CEP250: variants seen among roughly 807,000 people sequenced by gnomAD.
CEP250 encodes the protein centrosome-associated protein CEP250.
A neutral mutation model predicts 315.7 loss-of-function variants in CEP250; 242 were observed. The ratio of observed to expected loss-of-function variants is 0.77; its 90% CI spans 0.69 to 0.85. The LOEUF (loss-of-function observed/expected upper bound fraction) is 0.85, where lower values mean the gene tolerates loss of function less well. Ranked by LOEUF, CEP250 falls within the 40% of genes least tolerant of loss-of-function variation. The pLI is 0.00. For missense variants in CEP250, 2,515 were observed against 2,886.4 expected, an observed-to-expected ratio of 0.87 and a Z score of 2.95; for synonymous variants, 1,088 against 1,175.0, an observed-to-expected ratio of 0.93 and a Z score of 1.51.
rs777783728 is a variant in CEP250, at chr20:35,476,556, G to C, written c.1824G>C (p.Leu608Phe). The stretch of plus-strand genomic sequence containing the variant: ...AGCTCAGTGCCTTAAATGAGGCTTT[G>C]GCGTTAGATAAAGTTGGGCTGAACC... ...AVKLSALNEA[L>F]ALDKVGLNQQ... is the part of the protein sequence containing the mutation. The change falls in exon 16 of 35, where the codon TTG (leucine) becomes TTC (phenylalanine). Residue 608 changes from leucine to phenylalanine, a missense_variant. Transcript: ENST00000397527. 2 of 1,613,948 alleles carry C rather than the reference G, an allele frequency of 1.2e-6. No individual in the cohort carries two copies. Among genetic ancestry groups the C allele is most frequent in the Non-Finnish European group, 1.7e-6 (2 of 1,179,808 alleles).
Position 35,504,323 on chromosome 20 carries a change from T to C in CEP250, c.5954T>C (p.Leu1985Pro), listed in dbSNP as rs1479855382. 2 of 1,589,780 alleles carry C rather than the reference T, an allele frequency of 1.3e-6. No homozygotes were observed. The highest frequency in any genetic ancestry group is 4.6e-5 in the East Asian group (2 of 43,418). The change falls in exon 30 of 35, where the codon CTC becomes CCC. Residue 1985 changes from leucine (L) to proline (P), a missense_variant. Coordinates refer to ENST00000397527, the MANE Select transcript of CEP250 (RefSeq NM_007186.6). ...AALQGKEQHL[L>P]EQAELSRSLE... The stretch of plus-strand genomic sequence containing the variant: ...CTGCAGGGGAAAGAGCAGCATCTCC[T>C]CGAGCAGGCAGAATTGAGCCGCAGT...
At chr20:35,481,672 G>C (rs2063347751) in intron 20 of CEP250, among the ~76,000 whole-genome samples, 1 of 146,650 alleles carries the variant, frequency 6.8e-6, no homozygotes, top group South Asian at 2.1e-4. Flanking sequence ...AGGGTCTGTT[G>C]GTAGTTAATT....
rs777568440 is a variant in CEP250, at chr20:35,508,040, A to G, written c.6756A>G (p.Ser2252=). ...TTCACAGGTCTTTCCCACAGGTCTC[A>G]GGAGTGGAGGCTGAGCCTAGTCCTG... is the stretch of plus-strand genomic sequence containing the variant. ...GEQGVQLGEV[S]GVEAEPSPDG... Residue 2252 remains serine, a synonymous_variant, in exon 32 of 35, where the codon TCA becomes TCG. Coordinates refer to ENST00000397527, the MANE Select transcript of CEP250 (RefSeq NM_007186.6). The G allele has an allele frequency of 6.2e-7, 1 of 1,614,054 alleles. No homozygotes were observed. Among genetic ancestry groups the G allele is most frequent in the African/African-American group, 1.3e-5 (1 of 74,932 alleles).
intron 14 of CEP250, among the ~76,000 whole-genome samples, chr20:35,475,076 T>TA (rs763040237): frequency 2.0e-5 from 3 of 152,166 alleles, no homozygotes; most frequent in Non-Finnish European, 4.4e-5. Flanking sequence ...TGGTGGCATG[T>TA]GCCTGTAGCC....
chr20:35,470,627 C>T (rs923248698), intron 10 of CEP250, among the ~76,000 whole-genome samples: 3 of 152,136 alleles, frequency 2.0e-5, no homozygotes, highest in African/African-American at 7.2e-5. Flanking sequence ...GTGGCACATG[C>T]CTATAAACCC....
intron 20 of CEP250, among the ~76,000 whole-genome samples, chr20:35,490,324 T>A (rs1432912111): frequency 1.3e-5 from 2 of 152,108 alleles, no homozygotes; most frequent in Non-Finnish European, 1.5e-5. Context: ...AAAAAAAAAT[T>A]AAAAATAGAA....
intron 30 of CEP250, among the ~76,000 whole-genome samples, chr20:35,506,289 C>G (rs532027866): frequency 1.3e-5 from 2 of 152,152 alleles, no homozygotes; most frequent in Non-Finnish European, 2.9e-5. Context: ...GCCAGAGACA[C>G]TTTGGAGTCA....
Position 35,497,856 on chromosome 20 carries a change from GGC to G in CEP250, c.3445_3446del (p.Ala1149SerfsTer49). ...CCTCCTTGTGGGCCCAGGAAGCCAA[GGC>G]AGCCCAACTACAGCTGCGACTGCGC... ...RASLWAQEAK[A>X]AQLQLRLRST... On this transcript the variant is annotated frameshift_variant, in exon 26 of 35. Transcript: ENST00000397527. LOFTEE classifies it high-confidence loss of function. The G allele has an allele frequency of 6.3e-7, 1 of 1,590,346 alleles. No homozygotes were observed. Among genetic ancestry groups the G allele is most frequent in the Non-Finnish European group, 8.6e-7 (1 of 1,168,448 alleles).
Position 35,514,105 on chromosome 20 carries a change from C to T in CEP250, c.*2479C>T, listed in dbSNP as rs2064406787. 1 of 152,246 alleles carries T rather than the reference C, an allele frequency of 6.6e-6. No individual in the cohort carries two copies. The highest frequency in any genetic ancestry group is 2.4e-5 in the African/African-American group (1 of 41,436). 9.4% of individuals were successfully genotyped at this position (152,246 alleles called of 1,614,324 possible). ...TTCATCAGCTCCAGACCCAAAGAGA[C>T]CTGAAGTGGGGAAGTGTGAAGGAAG... On this transcript the variant is annotated 3_prime_UTR_variant, in exon 35 of 35. Transcript: ENST00000397527.
intron 20 of CEP250, among the ~76,000 whole-genome samples, chr20:35,482,825 G>C (rs1008502212): frequency 6.6e-6 from 1 of 152,110 alleles, no homozygotes; most frequent in African/African-American, 2.4e-5. Context: ...GCCTCCCAAA[G>C]GGCTGGGATT....
chr20:35,466,395 C>T (rs1236348391), intron 7 of CEP250, among the ~76,000 whole-genome samples, 191 bp downstream of exon 7: 3 of 152,236 alleles, frequency 2.0e-5, no homozygotes, highest in African/African-American at 7.2e-5. Context: ...AGACCTGCCA[C>T]TACCCGCCTA....
Position 35,498,575 on chromosome 20 carries a change from G to T in CEP250, c.3656-20G>T. 6.2e-7 allele frequency: 1 copy of T among 1,605,110 alleles called. No homozygotes were observed. The highest frequency in any genetic ancestry group is 1.1e-5 in the South Asian group (1 of 89,480). Reference sequence around the variant, plus strand: ...TTTCATAGTGGCAGCCAGGTAAGGAGGTTTTCCTCATTTTTTCAGACCAGA... The same window carrying T: ...TTTCATAGTGGCAGCCAGGTAAGGATGTTTTCCTCATTTTTTCAGACCAGA... On this transcript the variant is annotated intron_variant, in intron 26 of 34. Coordinates refer to ENST00000397527, the MANE Select transcript of CEP250 (RefSeq NM_007186.6).
At chr20:35,499,853 A>G (rs117511043) in intron 27 of CEP250, among the ~76,000 whole-genome samples, 196 bp from the exon 28 acceptor site, 1,911 of 152,350 alleles carry the variant, frequency 0.013, 27 homozygotes, top group South Asian at 0.098. Context: ...CTCACACTCC[A>G]TCCAAGTGGA....
At chr20:35,505,114 C>G in intron 30 of CEP250, 109 bp downstream of exon 30, 1 of 907,160 alleles carries the variant, frequency 1.1e-6, no homozygotes, top group Non-Finnish European at 1.6e-6. Context: ...TATGAGAAAG[C>G]TGAGATCATG....
chr20:35,462,229 A>G, intron 3 of CEP250, 36 bp from the exon 4 acceptor site: 1 of 634,532 alleles, frequency 1.6e-6, no homozygotes, highest in Non-Finnish European at 2.7e-6. Flanking sequence ...GTAAAAGAAC[A>G]GTCCTTTCCA....
Position 35,496,713 on chromosome 20 carries a change from C to G in CEP250, c.3304C>G (p.Gln1102Glu), listed in dbSNP as rs201228149. The G allele has an allele frequency of 1.2e-6, 2 of 1,612,646 alleles. No individual in the cohort carries two copies. Among genetic ancestry groups the G allele is most frequent in the African/African-American group, 2.7e-5 (2 of 74,922 alleles). ...GGGAGAACAGAAAGAGCTCAGTGCTCAGGTACTTCCCACTCTGGTTATGAG... is the reference window on the plus strand; with the variant it reads ...GGGAGAACAGAAAGAGCTCAGTGCTGAGGTACTTCCCACTCTGGTTATGAG... ...AQGEQKELSA[Q>E]MELLRQEVKE... The change falls in exon 25 of 35, where the codon CAG becomes GAG. Residue 1102 changes from glutamine to glutamate, a missense_variant and splice_region_variant. Physicochemically the swap from Gln to Glu is conservative, Grantham distance 29. Transcript: ENST00000397527.
At position 35,511,365 on chromosome 20, in the gene CEP250, G is replaced by C; in HGVS notation, c.7068G>C (p.Val2356=). 1 of 1,593,270 alleles carries C rather than the reference G, an allele frequency of 6.3e-7. No individual in the cohort carries two copies. The change falls in exon 35 of 35, where the codon GTG becomes GTC. Residue 2356 remains valine (V), a splice_region_variant and synonymous_variant. Coordinates refer to ENST00000397527, the MANE Select transcript of CEP250 (RefSeq NM_007186.6). ...AKCVAELQKE[V]VLLQAQLTLE... ...TTTTTTTTTTTCCTGCCCACCAGGT[G>C]GTCCTGCTGCAAGCTCAGCTGACTT...
chr20:35,515,936 T>G lies in CEP250; in HGVS notation c.*4310T>G, dbSNP rs576005758. 2 of 152,366 alleles carry G rather than the reference T, an allele frequency of 1.3e-5. No homozygotes were observed. The highest frequency in any genetic ancestry group is 4.8e-5 in the African/African-American group (2 of 41,576). 9.4% of individuals were successfully genotyped at this position (152,366 alleles called of 1,614,324 possible). On this transcript the variant is annotated 3_prime_UTR_variant, in exon 35 of 35. Coordinates refer to ENST00000397527, the MANE Select transcript of CEP250 (RefSeq NM_007186.6). ...TGGAGGTGAGGATGAGAGGTGAGACTTCGTTGGACTGTGCTCCTGGCCAGT... is the reference window on the plus strand; with the variant it reads ...TGGAGGTGAGGATGAGAGGTGAGACGTCGTTGGACTGTGCTCCTGGCCAGT...
chr20:35,490,667 C>G lies in CEP250; in HGVS notation c.2617C>G (p.Leu873Val). The G allele has an allele frequency of 6.2e-7, 1 of 1,613,632 alleles. No homozygotes were observed. Among genetic ancestry groups the G allele is most frequent in the Non-Finnish European group, 8.5e-7 (1 of 1,179,906 alleles). ...GGAGCGCTCCTGGCACCAGCAGGAGCTGGCAAAGGCTCTGGAGAGCTTAGA... is the reference window on the plus strand; with the variant it reads ...GGAGCGCTCCTGGCACCAGCAGGAGGTGGCAAAGGCTCTGGAGAGCTTAGA... ...EKERSWHQQELAKALESLERE... is the reference protein window; with the variant it reads ...EKERSWHQQEVAKALESLERE... The change falls in exon 21 of 35, where the codon CTG becomes GTG. Residue 873 changes from leucine (L) to valine (V), a missense_variant. Transcript: ENST00000397527.
Sources: allele counts gnomAD v4.1 joint callset (sites outside exome capture counted in the v4.1 genomes callset), GRCh38; gene constraint gnomAD v4.1.1; transcripts MANE v1.5; gene names NCBI Gene and HGNC (gene_info 2026-07-23, HGNC 2026-07-21).